Variants in PPEF1 observed in about 807,000 individuals in gnomAD.
PPEF1 encodes protein phosphatase with EF-hand domain 1.
PPEF1 carries 12 observed loss-of-function variants against 53.3 expected under a neutral mutation model. The ratio of observed to expected loss-of-function variants is 0.23; its 90% CI spans 0.14 to 0.36. The LOEUF (loss-of-function observed/expected upper bound fraction) is 0.36. Ranked by LOEUF, PPEF1 falls within the 10% of genes least tolerant of loss-of-function variation. The probability of loss-of-function intolerance (pLI) is 1.00; values close to 1 mark genes in which losing one functional copy is unlikely to be tolerated. For missense variants in PPEF1, 334 were observed against 490.4 expected (o/e 0.68, Z 3.01); for synonymous variants, 165 against 176.7 (o/e 0.93, Z 0.52).
At chrX:18,776,249 T>C (rs1053222709) in intron 6 of PPEF1, among the ~76,000 whole-genome samples, 1 of 110,546 alleles carries the variant, frequency 9.0e-6, no homozygotes, top group South Asian at 3.8e-4. Flanking sequence ...GGTTGGTTTG[T>C]TTTAGACAGG....
At chrX:18,772,044 C>T (rs753175661) in intron 6 of PPEF1, among the ~76,000 whole-genome samples, 2 of 111,798 alleles carry the variant, frequency 1.8e-5, no homozygotes, top group South Asian at 3.7e-4. Flanking sequence ...TGAGAATCTA[C>T]AGATAATCTA....
exon 4 of PPEF1, chrX:18,691,046 G>A (rs1436294366): frequency 8.9e-6 from 1 of 111,759 alleles, no homozygotes; most frequent in African/African-American, 3.3e-5. Context: ...AGATCTAGGA[G>A]TCTGTTCCCC....
chrX:18,749,996 T>C, intron 4 of PPEF1, 44 bp downstream of exon 4: 1 of 1,085,016 alleles, frequency 9.2e-7, no homozygotes, highest in Non-Finnish European at 1.3e-6. Flanking sequence ...ACATAACAGA[T>C]GCCCAATAAC....
rs776284181 is a variant in PPEF1, at chrX:18,759,319, G to A, written c.511+1578G>A. Among the ~76,000 whole-genome samples, 5 of 111,194 alleles carry A rather than the reference G, an allele frequency of 4.5e-5. No homozygotes were observed. The South Asian group carries it at 1.9e-3, about 43-fold the overall frequency. On this transcript the variant is annotated intron_variant, in intron 5 of 15. Coordinates refer to ENST00000470157, the MANE Select transcript of PPEF1 (RefSeq NM_001377996.1). ...TTATTTATAATAAAATTTAAAATTG[G>A]GGCCATAACTTCAAAACCATCTTCC...
At chrX:18,717,199 C>T (rs1376815649) in intron 1 of PPEF1, among the ~76,000 whole-genome samples, 2 of 106,114 alleles carry the variant, frequency 1.9e-5, no homozygotes, top group Non-Finnish European at 3.8e-5. Context: ...AGTACATAAA[C>T]ACCCGTTTGA....
At chrX:18,816,879 C>A (rs755760239) in intron 12 of PPEF1, among the ~76,000 whole-genome samples, 20 of 111,506 alleles carry the variant, frequency 1.8e-4, no homozygotes, top group Non-Finnish European at 3.4e-4. Context: ...CATGGAATTT[C>A]CTTTTTGTCT....
At chrX:18,784,078 C>T in intron 9 of PPEF1, 30 bp downstream of exon 9, 1 of 1,147,718 alleles carries the variant, frequency 8.7e-7, no homozygotes, top group Non-Finnish European at 1.2e-6. Flanking sequence ...TGAATCTTCT[C>T]TCAGGGATTT....
At chrX:18,785,651 G>A (rs1456838515) in intron 9 of PPEF1, among the ~76,000 whole-genome samples, 2 of 110,942 alleles carry the variant, frequency 1.8e-5, no homozygotes, top group East Asian at 5.6e-4. Context: ...GGGAGGTTGA[G>A]GTGGGCAGAT....
intron 6 of PPEF1, among the ~76,000 whole-genome samples, chrX:18,702,098 C>T (rs187084964): frequency 8.9e-6 from 1 of 112,095 alleles, no homozygotes; most frequent in Admixed American, 9.5e-5. Flanking sequence ...AGGGAACTCT[C>T]TGGCACGGGC....
intron 11 of PPEF1, 46 bp from the exon 12 acceptor site, chrX:18,806,357 T>G: frequency 8.7e-7 from 1 of 1,153,450 alleles, no homozygotes; most frequent in Non-Finnish European, 1.2e-6. Flanking sequence ...AATGACCTTT[T>G]GAGAACTAAT....
upstream of PPEF1, among the ~76,000 whole-genome samples, chrX:18,705,394 G>A (rs1056900876): frequency 3.6e-5 from 4 of 111,716 alleles, no homozygotes; most frequent in Admixed American, 3.8e-4. Context: ...TGTAGATAAG[G>A]AAGACACGAA....
At chrX:18,713,263 G>A (rs914316513) in intron 1 of PPEF1, among the ~76,000 whole-genome samples, 6 of 110,877 alleles carry the variant, frequency 5.4e-5, no homozygotes, top group East Asian at 2.8e-4. Flanking sequence ...TTCTTTGTGC[G>A]TAGTTTTTTT....
At chrX:18,716,736 T>A (rs186820023) in intron 1 of PPEF1, among the ~76,000 whole-genome samples, 4 of 110,713 alleles carry the variant, frequency 3.6e-5, no homozygotes, top group African/African-American at 1.3e-4. Flanking sequence ...TCTCCAAGTT[T>A]AGAGGGCCTC....
rs1394008123 is a variant in PPEF1, at chrX:18,812,960, G to A, written c.1395-5079G>A. 3.6e-5 allele frequency among the ~76,000 whole-genome samples: 4 copies of A among 110,906 alleles called. No homozygotes were observed. The East Asian group carries it at 1.1e-3, about 31-fold the overall frequency. ...CACTATGTTGCCTAGGCTGGGTCTC[G>A]AACTCCTGGGCTCAAGTGATCCTCC... On this transcript the variant is annotated intron_variant, in intron 12 of 15. Coordinates refer to ENST00000470157, the MANE Select transcript of PPEF1 (RefSeq NM_001377996.1).
At chrX:18,766,064 T>C (rs753310291) in intron 6 of PPEF1, among the ~76,000 whole-genome samples, 1,461 of 36,783 alleles carry the variant, frequency 0.04, 28 homozygotes, top group African/African-American at 0.13. Context: ...AAACTCTGTC[T>C]CAAAAAAAAA....
intron 4 of PPEF1, among the ~76,000 whole-genome samples, chrX:18,755,419 C>T (rs756225919): frequency 1.3e-4 from 14 of 111,202 alleles, no homozygotes; most frequent in Non-Finnish European, 1.7e-4. Flanking sequence ...ATACAAAAAT[C>T]AGCTGGGCAT....
upstream of PPEF1, among the ~76,000 whole-genome samples, chrX:18,704,194 A>G (rs151022848): frequency 9.9e-5 from 11 of 111,167 alleles, no homozygotes; most frequent in East Asian, 2.8e-3. Context: ...CCAAAGTGCT[A>G]GGATTACGAA....
At chrX:18,746,787 A>G (rs750883862) in intron 3 of PPEF1, among the ~76,000 whole-genome samples, 1 of 112,315 alleles carries the variant, frequency 8.9e-6, no homozygotes, top group Admixed American at 9.5e-5. Context: ...AATATGCAGT[A>G]AAAGTGTAAT....
At chrX:18,803,169 C>T (rs1389737514) in intron 10 of PPEF1, among the ~76,000 whole-genome samples, 1 of 112,280 alleles carries the variant, frequency 8.9e-6, no homozygotes, top group African/African-American at 3.2e-5. Context: ...TAAAAGTATC[C>T]CTTATGGGAA....
Sources: allele counts gnomAD v4.1 joint callset (sites outside exome capture counted in the v4.1 genomes callset), GRCh38; gene constraint gnomAD v4.1.1; transcripts MANE v1.5; gene names NCBI Gene and HGNC (gene_info 2026-07-23, HGNC 2026-07-21).